ZMYM2: variants seen among roughly 807,000 people sequenced by gnomAD.
The protein encoded by ZMYM2 is zinc finger MYM-type containing 2.
A neutral mutation model predicts 162.8 loss-of-function variants in ZMYM2; 56 were observed. That is an observed-to-expected ratio of 0.34 (90% CI 0.28 to 0.43). ZMYM2 has a LOEUF of 0.43. Ranked by LOEUF, ZMYM2 falls within the 20% of genes least tolerant of loss-of-function variation. The pLI, the probability that ZMYM2 is intolerant of heterozygous loss-of-function variation, is 1.00. For synonymous variants in ZMYM2, 510 were observed against 541.6 expected (o/e 0.94, Z 0.81); for missense variants, 1,275 against 1,621.8 (o/e 0.79, Z 3.67).
At position 20,086,204 on chromosome 13, in the gene ZMYM2, A is replaced by G; in HGVS notation, c.*190A>G. 2 of 435,568 alleles carry G rather than the reference A, an allele frequency of 4.6e-6. No individual in the cohort carries two copies. The highest frequency in any genetic ancestry group is 8.0e-6 in the Non-Finnish European group (2 of 250,200). The allele number at this position is 435,568 out of a possible 1,614,324, so 27.0% of individuals were successfully genotyped here. A position where few individuals can be genotyped will look rare whatever the true frequency, so the allele number is the denominator to read the frequency against. On this transcript the variant is annotated 3_prime_UTR_variant, in exon 25 of 25. Coordinates refer to ENST00000610343, the MANE Select transcript of ZMYM2 (RefSeq NM_197968.4). ...CATTATTCTATGTAGTGGTTTTAGG[A>G]TACTTAACAAATACATTCAAATTCT...
At chr13:19,871,721 A>G in the ZMYM2 span, among the ~76,000 whole-genome samples, 2 of 152,240 alleles carry the variant, frequency 1.3e-5, no homozygotes, top group Non-Finnish European at 2.9e-5. Context: ...TAAAAAATTG[A>G]TCTGCACCCA....
chr13:19,973,857 T>C (rs1355284774), intron 2 of ZMYM2, among the ~76,000 whole-genome samples: 3 of 151,988 alleles, frequency 2.0e-5, no homozygotes, highest in African/African-American at 7.3e-5. Context: ...TTTTTTTGGA[T>C]TTTAGTTGTT....
chr13:19,958,615 C>T (rs1954738092), upstream of ZMYM2: 2 of 152,136 alleles, frequency 1.3e-5, no homozygotes, highest in African/African-American at 4.8e-5. Context: ...GGACGGCCGT[C>T]GGAGCCAATG....
chr13:19,864,235 G>T, the ZMYM2 span: 1 of 154,964 alleles, frequency 6.5e-6, no homozygotes, highest in Non-Finnish European at 1.5e-5. Context: ...AGTGCGCTGC[G>T]GTCAGTGGAG....
intron 21 of ZMYM2, among the ~76,000 whole-genome samples, chr13:20,077,264 C>A (rs989078328): frequency 2.7e-5 from 4 of 150,588 alleles, no homozygotes; most frequent in East Asian, 1.9e-4. Flanking sequence ...TTACTGCTTT[C>A]CACATACTAT....
chr13:20,017,151 T>C (rs1198587676), intron 6 of ZMYM2, among the ~76,000 whole-genome samples: 1 of 152,212 alleles, frequency 6.6e-6, no homozygotes, highest in Non-Finnish European at 1.5e-5. Flanking sequence ...AGGTGTCTAA[T>C]TACCACCCAG....
intron 9 of ZMYM2, 120 bp from the exon 10 acceptor site, chr13:20,031,199 T>C (rs2140307263): frequency 1.6e-6 from 1 of 643,446 alleles, no homozygotes; most frequent in Non-Finnish European, 2.5e-6. Context: ...TTTTATGTGC[T>C]GAAAAGATAT....
chr13:19,998,103 A>T (rs1236328743), intron 3 of ZMYM2, among the ~76,000 whole-genome samples: 1 of 152,162 alleles, frequency 6.6e-6, no homozygotes, highest in East Asian at 1.9e-4. Flanking sequence ...TCTTGCATTT[A>T]TATGCTGATT....
chr13:20,083,029 G>A lies in ZMYM2; in HGVS notation c.3817G>A (p.Glu1273Lys). The change falls in exon 23 of 25, where the codon GAA (glutamate) becomes AAA (lysine). Residue 1273 changes from glutamate (E) to lysine (K), a missense_variant. By Grantham distance (56) the Glu-to-Lys change is moderately conservative (BLOSUM62 1). Coordinates refer to ENST00000610343, the MANE Select transcript of ZMYM2 (RefSeq NM_197968.4). ...GTCTTCCTTGTGTGGAACAGATAAT[G>A]AAGGTAGTGTAACAGATTTCTATTT... is the stretch of plus-strand genomic sequence containing the variant. ...QVSSLCGTDN[E>K]DKITTGKRKH... is the part of the protein sequence containing the mutation. 1 of 1,607,124 alleles carries A rather than the reference G, an allele frequency of 6.2e-7. No homozygotes were observed. The highest frequency in any genetic ancestry group is 8.5e-7 in the Non-Finnish European group (1 of 1,176,876).
chr13:19,946,067 A>G, the ZMYM2 span, among the ~76,000 whole-genome samples: 1 of 151,884 alleles, frequency 6.6e-6, no homozygotes, highest in East Asian at 1.9e-4. Context: ...ACTATCATCA[A>G]CTCACTTCTT....
the ZMYM2 span, among the ~76,000 whole-genome samples, chr13:19,876,171 C>T: frequency 6.6e-6 from 1 of 152,044 alleles, no homozygotes; most frequent in East Asian, 1.9e-4. Flanking sequence ...GGATTACAGG[C>T]ACCCACCACC....
Position 20,079,345 on chromosome 13 carries a change from G to GAAAAAAAAA in ZMYM2, c.3454-2670_3454-2669insAAAAAAAAA, listed in dbSNP as rs1957754259. Among the ~76,000 whole-genome samples, 60 of 19,116 alleles carry GAAAAAAAAA rather than the reference G, an allele frequency of 3.1e-3. 6 individuals are homozygous for GAAAAAAAAA. Among genetic ancestry groups the GAAAAAAAAA allele is most frequent in the Non-Finnish European group, 3.7e-3 (32 of 8,560 alleles). The allele number at this position is 19,116 out of a possible 152,430, so 12.5% of individuals were successfully genotyped here. On this transcript the variant is annotated intron_variant, in intron 21 of 24. Transcript: ENST00000610343. ...AAAAAAAAAAAAAAAAAAAAAAAAGGATACTTAATGAATTCAAATCCCATA... is the reference window on the plus strand; with the variant it reads ...AAAAAAAAAAAAAAAAAAAAAAAAGGAAAAAAAAAATACTTAATGAATTCAAATCCCATA...
the ZMYM2 span, among the ~76,000 whole-genome samples, chr13:19,900,488 G>A: frequency 6.6e-6 from 1 of 152,070 alleles, no homozygotes; most frequent in South Asian, 2.1e-4. Context: ...GGGTTCACGG[G>A]TAAATTCTAC....
In ZMYM2 at chr13:20,088,270, C is replaced by G. The variant is rs1459941317; in HGVS notation, c.*2256C>G. 4.8e-6 allele frequency: 1 copy of G among 208,290 alleles called. No individual in the cohort carries two copies. Among genetic ancestry groups the G allele is most frequent in the African/African-American group, 2.3e-5 (1 of 43,978 alleles). The allele number at this position is 208,290 out of a possible 1,614,324, so 12.9% of individuals were successfully genotyped here. Reference sequence around the variant, plus strand: ...TGTTTGTTCTGTGAAACTCACTTCACCTAGAACACATTTCATTGATTCTTG... The same window carrying G: ...TGTTTGTTCTGTGAAACTCACTTCAGCTAGAACACATTTCATTGATTCTTG... On this transcript the variant is annotated 3_prime_UTR_variant, in exon 25 of 25. Coordinates refer to ENST00000610343, the MANE Select transcript of ZMYM2 (RefSeq NM_197968.4).
At chr13:19,973,998 A>G (rs1956566035) in intron 2 of ZMYM2, among the ~76,000 whole-genome samples, 1 of 152,208 alleles carries the variant, frequency 6.6e-6, no homozygotes, top group Admixed American at 6.5e-5. Flanking sequence ...CTTTAAATGG[A>G]AAGATGTGCC....
the ZMYM2 span, among the ~76,000 whole-genome samples, chr13:19,892,113 A>T: frequency 1.4e-4 from 21 of 151,278 alleles, no homozygotes; most frequent in Non-Finnish European, 1.5e-5. Context: ...GCTAATTTTT[A>T]AATTTTTTTT....
rs372753077 is a variant in ZMYM2, at chr13:19,993,441, G to A, written c.369G>A (p.Glu123=). ...AGACAATTGTCATTGATGATGAAGA[G>A]GACATGGAAACAAATCAAGGGCAAG... ...VSETIVIDDE[E]DMETNQGQEK... Residue 123 remains glutamate (E), a synonymous_variant, in exon 3 of 25, where the codon GAG becomes GAA. Coordinates refer to ENST00000610343, the MANE Select transcript of ZMYM2 (RefSeq NM_197968.4). The A allele has an allele frequency of 1.7e-5, 28 of 1,613,872 alleles. 1 individual carries two copies. In the Admixed American group the frequency reaches 3.7e-4, roughly 21 times the overall value.
intron 11 of ZMYM2, 38 bp downstream of exon 11, chr13:20,034,442 G>A (rs768259926): frequency 2.1e-6 from 3 of 1,419,216 alleles, no homozygotes; most frequent in South Asian, 1.8e-5. Flanking sequence ...AACATTTATT[G>A]ATATTTAATG....
intron 3 of ZMYM2, among the ~76,000 whole-genome samples, chr13:19,999,254 C>T (rs1236500219): frequency 6.6e-6 from 1 of 152,152 alleles, no homozygotes; most frequent in Non-Finnish European, 1.5e-5. Context: ...GCATTTTACA[C>T]AAATTGAAGG....
Sources: allele counts gnomAD v4.1 joint callset (sites outside exome capture counted in the v4.1 genomes callset), GRCh38; gene constraint gnomAD v4.1.1; transcripts MANE v1.5; gene names NCBI Gene and HGNC (gene_info 2026-07-23, HGNC 2026-07-21).